Variants in MYO16 observed in about 807,000 individuals in gnomAD.
The protein encoded by MYO16 is myosin XVI, also known as unconventional myosin-XVI.
Under a neutral mutation model 205.3 loss-of-function variants are expected in MYO16, and 94 were observed. That is an observed-to-expected ratio of 0.46 (90% confidence interval 0.39 to 0.54). The LOEUF (loss-of-function observed/expected upper bound fraction) is 0.54, where lower values mean the gene tolerates loss of function less well. MYO16 is among the 20% of genes least tolerant of loss of function. The pLI, the probability that MYO16 is intolerant of heterozygous loss-of-function variation, is 0.00. For missense variants in MYO16, 2,315 were observed against 2,387.5 expected (o/e 0.97, Z 0.63); for synonymous variants, 988 against 954.0 (o/e 1.04, Z -0.66).
chr13:109,194,944 C>A (rs926415928), intron 34 of MYO16, among the ~76,000 whole-genome samples: 1 of 151,736 alleles, frequency 6.6e-6, no homozygotes, highest in African/African-American at 2.4e-5. Flanking sequence ...TATTTTATAA[C>A]TTTCAGTTAT....
At chr13:109,089,623 C>T (rs554832889) in intron 27 of MYO16, among the ~76,000 whole-genome samples, 36 of 152,284 alleles carry the variant, frequency 2.4e-4, no homozygotes, top group African/African-American at 7.7e-4. Flanking sequence ...ATCCCATCTC[C>T]CATATTGATT....
rs141943008 is a variant in MYO16 at position 108,773,498 on chromosome 13, C to T, written c.508-12137C>T. On this transcript the variant is annotated intron_variant, in intron 4 of 34. Transcript: ENST00000457511. ...CCAGGTCTTCCTCAGCTTGTGACAGCATCACCCCAATCTCTGCCTTCATCC... is the reference window on the plus strand; with the variant it reads ...CCAGGTCTTCCTCAGCTTGTGACAGTATCACCCCAATCTCTGCCTTCATCC... Among the ~76,000 whole-genome samples the T allele has an allele frequency of 1.2e-3, 183 of 152,224 alleles. 1 individual carries two copies. The highest frequency in any genetic ancestry group is 4.4e-3 in the African/African-American group (181 of 41,538).
the MYO16 span, among the ~76,000 whole-genome samples, chr13:108,527,361 A>C: frequency 6.6e-6 from 1 of 152,102 alleles, no homozygotes; most frequent in Non-Finnish European, 1.5e-5. Context: ...ATATTGCCAA[A>C]ATTTTTCTTG....
the MYO16 span, among the ~76,000 whole-genome samples, chr13:108,541,837 A>G: frequency 3.3e-5 from 5 of 152,184 alleles, no homozygotes; most frequent in African/African-American, 1.2e-4. Flanking sequence ...TTGTGGAGAA[A>G]TGAGAACTCT....
intron 16 of MYO16, among the ~76,000 whole-genome samples, chr13:108,933,833 T>G (rs759336542): frequency 6.6e-6 from 1 of 152,174 alleles, no homozygotes; most frequent in Non-Finnish European, 1.5e-5. Context: ...TTCCCTCTTA[T>G]AAGTAACAAT....
At chr13:108,757,771 A>G (rs902385919) in intron 4 of MYO16, among the ~76,000 whole-genome samples, 1 of 152,078 alleles carries the variant, frequency 6.6e-6, no homozygotes, top group African/African-American at 2.4e-5. Flanking sequence ...AGCTAGTTTT[A>G]AAGTTTGATT....
chr13:108,599,212 G>A (rs1468094425), intron 1 of MYO16, among the ~76,000 whole-genome samples: 1 of 150,510 alleles, frequency 6.6e-6, no homozygotes, highest in African/African-American at 2.5e-5. Flanking sequence ...TGGTGTATAT[G>A]TGCCACATTT....
At chr13:108,683,469 C>A (rs1414072136) in intron 2 of MYO16, among the ~76,000 whole-genome samples, 1 of 152,176 alleles carries the variant, frequency 6.6e-6, no homozygotes, top group Non-Finnish European at 1.5e-5. Flanking sequence ...CATGACCTAA[C>A]TCTCATGGGA....
intron 6 of MYO16, among the ~76,000 whole-genome samples, chr13:108,801,784 G>C (rs1886975901): frequency 6.6e-6 from 1 of 152,102 alleles, no homozygotes; most frequent in South Asian, 2.1e-4. Flanking sequence ...AAGATAACCA[G>C]GCCCAAAGAG....
At chr13:108,767,912 T>C (rs1419174696) in intron 4 of MYO16, among the ~76,000 whole-genome samples, 2 of 152,170 alleles carry the variant, frequency 1.3e-5, no homozygotes, top group Non-Finnish European at 2.9e-5. Flanking sequence ...GTTTTATTCA[T>C]GTAGCAACAA....
chr13:108,756,602 CTT>C (rs1453168120), intron 4 of MYO16, among the ~76,000 whole-genome samples: 2 of 151,928 alleles, frequency 1.3e-5, no homozygotes, highest in African/African-American at 4.8e-5. Context: ...TTGTAAAGCA[CTT>C]ATATTTAATT....
At position 108,712,750 on chromosome 13, in the gene MYO16, A is replaced by G. The variant is rs763921394; in HGVS notation, c.363+19A>G. 1.2e-6 allele frequency: 2 copies of G among 1,603,936 alleles called. No individual in the cohort carries two copies. The highest frequency in any genetic ancestry group is 1.3e-5 in the African/African-American group (1 of 74,642). On this transcript the variant is annotated intron_variant, in intron 3 of 34. Coordinates refer to ENST00000457511, the MANE Select transcript of MYO16 (RefSeq NM_001198950.3). ...CCATCTGGTAAGAACCGCGACAGTC[A>G]GTGCCAGTGCATGGGGACACCCGGG...
At chr13:109,091,524 G>A (rs1415635571) in intron 27 of MYO16, among the ~76,000 whole-genome samples, 1 of 152,078 alleles carries the variant, frequency 6.6e-6, no homozygotes, top group Non-Finnish European at 1.5e-5. Context: ...CGTGTCTGAC[G>A]TTGCCATTGA....
chr13:108,666,072 A>C lies in MYO16; in HGVS notation c.215A>C (p.His72Pro), dbSNP rs1881714840. The C allele has an allele frequency of 3.1e-6, 5 of 1,614,044 alleles. No individual in the cohort carries two copies. The highest frequency in any genetic ancestry group is 4.2e-6 in the Non-Finnish European group (5 of 1,180,010). ...GAAGGGTTCCTGAAAAGGCTGAAGCATGCGAAGAATCCGAAAGTTCACTTC... is the reference window on the plus strand; with the variant it reads ...GAAGGGTTCCTGAAAAGGCTGAAGCCTGCGAAGAATCCGAAAGTTCACTTC... ...KQEGFLKRLK[H>P]AKNPKVHFNL... The change falls in exon 2 of 35, where the codon CAT becomes CCT. Residue 72 changes from histidine to proline, a missense_variant. His to Pro is a moderately conservative substitution (Grantham distance 77). Transcript: ENST00000457511.
upstream of MYO16, among the ~76,000 whole-genome samples, chr13:108,595,651 A>G (rs1878529549): frequency 6.6e-6 from 1 of 152,114 alleles, no homozygotes; most frequent in Non-Finnish European, 1.5e-5. Context: ...GTTTTGACAG[A>G]AAGCAAGGAC....
At chr13:109,004,662 T>G (rs1412054993) in intron 21 of MYO16, among the ~76,000 whole-genome samples, 1 of 152,140 alleles carries the variant, frequency 6.6e-6, no homozygotes, top group Non-Finnish European at 1.5e-5. Flanking sequence ...TAGGATAAGA[T>G]AAACATAGAA....
chr13:109,167,036 A>G (rs1382071513), intron 33 of MYO16: 2 of 152,350 alleles, frequency 1.3e-5, no homozygotes, highest in East Asian at 3.9e-4. Flanking sequence ...TTGGCAGGCC[A>G]CAGAAGGTTC....
At chr13:108,762,911 T>G (rs749744502) in intron 4 of MYO16, among the ~76,000 whole-genome samples, 1 of 151,754 alleles carries the variant, frequency 6.6e-6, no homozygotes, top group Non-Finnish European at 1.5e-5. Flanking sequence ...GGCAGTCAAA[T>G]TTACCTGCTT....
At chr13:108,911,604 G>A (rs749931921) in intron 16 of MYO16, among the ~76,000 whole-genome samples, 2 of 152,160 alleles carry the variant, frequency 1.3e-5, no homozygotes, top group Non-Finnish European at 2.9e-5. Flanking sequence ...AACAGCCATG[G>A]TCAGAAATTT....
Sources: allele counts gnomAD v4.1 joint callset (sites outside exome capture counted in the v4.1 genomes callset), GRCh38; gene constraint gnomAD v4.1.1; transcripts MANE v1.5; gene names NCBI Gene and HGNC (gene_info 2026-07-23, HGNC 2026-07-21).